The following GPR89A variants were observed in gnomAD, a reference collection of about 807,000 sequenced individuals.
The protein encoded by GPR89A is golgi pH regulator A.
In GPR89A, 16 loss-of-function variants were observed where a neutral mutation model predicts 52.0. The ratio of observed to expected loss-of-function variants is 0.31; its 90% confidence interval spans 0.21 to 0.47. The LOEUF (loss-of-function observed/expected upper bound fraction) is 0.47. Ranked by LOEUF, GPR89A falls within the 20% of genes least tolerant of loss-of-function variation. The probability of loss-of-function intolerance (pLI) is 1.00; values close to 1 mark genes in which losing one functional copy is unlikely to be tolerated. For missense variants in GPR89A, 135 were observed against 449.4 expected (o/e 0.30, Z 6.33); for synonymous variants, 55 against 150.9 (o/e 0.36, Z 4.66).
At chr1:145,628,332 C>A (rs11588462) in intron 5 of GPR89A, among the ~76,000 whole-genome samples, 1 of 152,076 alleles carries the variant, frequency 6.6e-6, no homozygotes, top group Non-Finnish European at 1.5e-5. Flanking sequence ...AAGGGAAAAC[C>A]TAGGGAAATG....
At chr1:145,608,577 A>G in intron 1 of GPR89A, 1 of 559,438 alleles carries the variant, frequency 1.8e-6, no homozygotes, top group Non-Finnish European at 2.8e-6. Context: ...ACGCGCCAAT[A>G]CTGGATACTG....
intron 5 of GPR89A, among the ~76,000 whole-genome samples, chr1:145,625,946 G>A (rs1180741279): frequency 1.3e-5 from 2 of 150,638 alleles, no homozygotes; most frequent in Admixed American, 1.3e-4. Context: ...CATAACAAGT[G>A]TTTAATACGT....
At chr1:145,656,243 CACTGAGCA>C (rs1651801941) in intron 10 of GPR89A, among the ~76,000 whole-genome samples, 1 of 151,954 alleles carries the variant, frequency 6.6e-6, no homozygotes, top group Admixed American at 6.6e-5. Context: ...CCTCAGTGGC[CACTGAGCA>C]TCTGGGCAGC....
chr1:145,627,523 G>T (rs1167433565), intron 5 of GPR89A, among the ~76,000 whole-genome samples: 2 of 152,116 alleles, frequency 1.3e-5, no homozygotes, highest in East Asian at 3.9e-4. Flanking sequence ...ACAGAATTTA[G>T]GTGAGGATTT....
intron 9 of GPR89A, chr1:145,646,932 G>C (rs150471157): frequency 3.6e-6 from 2 of 560,264 alleles, no homozygotes; most frequent in Non-Finnish European, 6.1e-6. Context: ...ATAATAGAAC[G>C]TATCTCATAA....
At chr1:145,654,967 A>G (rs1402655126) in intron 10 of GPR89A, among the ~76,000 whole-genome samples, 3 of 150,114 alleles carry the variant, frequency 2.0e-5, no homozygotes, top group Non-Finnish European at 3.0e-5. Flanking sequence ...ATGTAATCCC[A>G]TAGTTCTCAG....
chr1:145,626,842 C>G (rs587646365), intron 5 of GPR89A, among the ~76,000 whole-genome samples: 1 of 150,582 alleles, frequency 6.6e-6, no homozygotes, highest in African/African-American at 2.4e-5. Flanking sequence ...CCCAGCTACT[C>G]CCCGGAGGCC....
At chr1:145,640,899 A>T (rs1242731209) in intron 7 of GPR89A, among the ~76,000 whole-genome samples, 20 of 151,480 alleles carry the variant, frequency 1.3e-4, no homozygotes, top group African/African-American at 4.1e-4. Context: ...GCACATAACC[A>T]CATGAAAAGG....
At chr1:145,622,969 G>A in intron 3 of GPR89A, 85 bp from the exon 4 acceptor site, 3 of 1,595,370 alleles carry the variant, frequency 1.9e-6, no homozygotes, top group Non-Finnish European at 2.6e-6. Flanking sequence ...AGTCCAAAGA[G>A]CAAAAGGACC....
At chr1:145,612,267 A>G (rs1390928506) in intron 1 of GPR89A, 9 of 152,298 alleles carry the variant, frequency 5.9e-5, no homozygotes, top group African/African-American at 2.2e-4. Flanking sequence ...CCTACTATGA[A>G]TACTTTCTGC....
intron 1 of GPR89A, among the ~76,000 whole-genome samples, chr1:145,609,491 T>C (rs1480977990): frequency 2.0e-5 from 3 of 152,248 alleles, no homozygotes; most frequent in African/African-American, 7.2e-5. Flanking sequence ...AACCTAGACA[T>C]GTAACTCTTC....
intron 10 of GPR89A, among the ~76,000 whole-genome samples, chr1:145,656,931 A>G (rs4442414): frequency 6.6e-6 from 1 of 152,042 alleles, no homozygotes; most frequent in African/African-American, 2.4e-5. Flanking sequence ...CTTTTACTGC[A>G]TCTATTGAGA....
intron 3 of GPR89A, among the ~76,000 whole-genome samples, chr1:145,621,082 C>T (rs1649105995): frequency 6.6e-6 from 1 of 152,054 alleles, no homozygotes; most frequent in Non-Finnish European, 1.5e-5. Flanking sequence ...ATGGTATTCA[C>T]TCCCTGTAGG....
At chr1:145,611,369 G>A (rs1404312889) in intron 1 of GPR89A, 1 of 149,872 alleles carries the variant, frequency 6.7e-6, no homozygotes, top group Non-Finnish European at 1.5e-5. Context: ...GTAGTCTCCA[G>A]TTTCTGTTTT....
chr1:145,647,877 C>CTATA (rs1651152133), intron 10 of GPR89A, among the ~76,000 whole-genome samples: 2 of 40,798 alleles, frequency 4.9e-5, no homozygotes, highest in African/African-American at 1.1e-4. Context: ...CTCTCTCTCT[C>CTATA]TCTATATATA....
At chr1:145,665,044 G>A (rs1309647889) in intron 11 of GPR89A, among the ~76,000 whole-genome samples, 2 of 151,450 alleles carry the variant, frequency 1.3e-5, no homozygotes, top group African/African-American at 4.8e-5. Flanking sequence ...TTGAAGTTTT[G>A]GTGATTAGGG....
At chr1:145,612,765 CTGCT>C (rs1300511890) in intron 1 of GPR89A, among the ~76,000 whole-genome samples, 6 of 152,160 alleles carry the variant, frequency 3.9e-5, no homozygotes, top group Non-Finnish European at 8.8e-5. Flanking sequence ...CCTTACTTGA[CTGCT>C]TTCTTTCCCC....
At chr1:145,667,236 C>T (rs1652629977) in intron 12 of GPR89A, among the ~76,000 whole-genome samples, 1 of 152,176 alleles carries the variant, frequency 6.6e-6, no homozygotes, top group East Asian at 1.9e-4. Context: ...TCCACATCCT[C>T]TCCAGCACCT....
intron 12 of GPR89A, among the ~76,000 whole-genome samples, chr1:145,666,348 G>A (rs1427861376): frequency 6.6e-6 from 1 of 150,432 alleles, no homozygotes; most frequent in Non-Finnish European, 1.5e-5. Context: ...GCAGAATATA[G>A]CAAGTCCTTA....
Sources: allele counts gnomAD v4.1 joint callset (sites outside exome capture counted in the v4.1 genomes callset), GRCh38; gene constraint gnomAD v4.1.1; transcripts MANE v1.5; gene names NCBI Gene and HGNC (gene_info 2026-07-23, HGNC 2026-07-21).